SV2C: variants seen among roughly 807,000 people sequenced by gnomAD.
SV2C encodes synaptic vesicle glycoprotein 2C.
Under a neutral mutation model 79.7 loss-of-function variants are expected in SV2C, and 49 were observed. That is an observed-to-expected ratio of 0.61 (90% CI 0.49 to 0.78). The LOEUF (loss-of-function observed/expected upper bound fraction) is 0.78. Ranked by LOEUF, SV2C falls within the 30% of genes least tolerant of loss-of-function variation. The pLI is 0.00. For missense variants in SV2C, 833 were observed against 912.9 expected, an observed-to-expected ratio of 0.91 and a Z score of 1.13; for synonymous variants, 334 against 333.2, an observed-to-expected ratio of 1.00 and a Z score of -0.03.
chr5:75,868,162 T>C, the SV2C span, among the ~76,000 whole-genome samples: 4 of 152,098 alleles, frequency 2.6e-5, no homozygotes, highest in African/African-American at 9.7e-5. Context: ...AATATAAACA[T>C]TTGCAAAGGC....
At chr5:75,951,955 T>C in the SV2C span, among the ~76,000 whole-genome samples, 8 of 151,996 alleles carry the variant, frequency 5.3e-5, no homozygotes, top group Non-Finnish European at 1.2e-4. Context: ...TATAAAGGAC[T>C]GATTGTTGTC....
chr5:75,968,752 C>T, the SV2C span, among the ~76,000 whole-genome samples: 4 of 152,198 alleles, frequency 2.6e-5, no homozygotes, highest in South Asian at 2.1e-4. Flanking sequence ...AAACACTCTG[C>T]AGGATATTAT....
At chr5:76,348,897 G>A (rs1749592588) in intron 12 of SV2C, among the ~76,000 whole-genome samples, 1 of 152,118 alleles carries the variant, frequency 6.6e-6, no homozygotes, top group Non-Finnish European at 1.5e-5. Flanking sequence ...CTACTTGGGA[G>A]GCTGAGGCAG....
the SV2C span, among the ~76,000 whole-genome samples, chr5:75,923,562 C>CA: frequency 1.6e-4 from 24 of 152,100 alleles, no homozygotes; most frequent in African/African-American, 5.8e-4. Flanking sequence ...GAAACTCAAA[C>CA]AAATCAGCAT....
chr5:75,995,770 T>C, the SV2C span, among the ~76,000 whole-genome samples: 1 of 152,108 alleles, frequency 6.6e-6, no homozygotes, highest in African/African-American at 2.4e-5. Context: ...AACTTGACAT[T>C]AGAAGCTCAT....
downstream of SV2C, among the ~76,000 whole-genome samples, chr5:76,338,615 T>C (rs551996807): frequency 1.9e-4 from 29 of 152,000 alleles, no homozygotes; most frequent in Non-Finnish European, 3.8e-4. Context: ...CCTCCCACCT[T>C]CAGTAGAAGA....
the SV2C span, among the ~76,000 whole-genome samples, chr5:75,865,554 A>G: frequency 4.6e-5 from 7 of 152,238 alleles, no homozygotes; most frequent in Admixed American, 1.3e-4. Flanking sequence ...AGCTGTGAAC[A>G]GTACATCTGG....
chr5:76,285,370 A>G, intron 5 of SV2C, 75 bp downstream of exon 5: 1 of 1,572,606 alleles, frequency 6.4e-7, no homozygotes, highest in Non-Finnish European at 8.6e-7. Flanking sequence ...CTAGGAAAGC[A>G]CATTTGCCTA....
At chr5:76,117,084 C>A (rs1273842086) in intron 1 of SV2C, among the ~76,000 whole-genome samples, 27 of 152,140 alleles carry the variant, frequency 1.8e-4, no homozygotes. Context: ...TGTAGTGTAT[C>A]CACTCTGTTC....
intron 2 of SV2C, among the ~76,000 whole-genome samples, chr5:76,165,552 A>C (rs968883506): frequency 1.3e-5 from 2 of 152,076 alleles, no homozygotes; most frequent in African/African-American, 4.8e-5. Flanking sequence ...CTCTATCTCT[A>C]TAATTTTTTC....
chr5:75,889,242 C>T, the SV2C span, among the ~76,000 whole-genome samples: 1 of 151,152 alleles, frequency 6.6e-6, no homozygotes, highest in Non-Finnish European at 1.5e-5. Flanking sequence ...TAATGCTCTC[C>T]CTCCCCCAGC....
At chr5:75,855,866 C>A in the SV2C span, among the ~76,000 whole-genome samples, 2 of 152,128 alleles carry the variant, frequency 1.3e-5, no homozygotes, top group Non-Finnish European at 2.9e-5. Context: ...TATTGTCACT[C>A]TGCTGTGCTA....
chr5:76,268,819 T>C (rs1746749594), intron 4 of SV2C, among the ~76,000 whole-genome samples: 1 of 152,116 alleles, frequency 6.6e-6, no homozygotes, highest in South Asian at 2.1e-4. Context: ...TGCTTCCAGG[T>C]GCATAAAAAG....
the SV2C span, among the ~76,000 whole-genome samples, chr5:76,026,201 A>ACACACACACACAC: frequency 7.1e-6 from 1 of 140,034 alleles, no homozygotes; most frequent in Admixed American, 7.2e-5. Context: ...CAAATTTACA[A>ACACACACACACAC]ACACACACAC....
At chr5:76,294,297 T>TCTC (rs77927501) in intron 8 of SV2C, among the ~76,000 whole-genome samples, 35 of 128,360 alleles carry the variant, frequency 2.7e-4, no homozygotes, top group East Asian at 1.5e-3. Flanking sequence ...TCATTCATTC[T>TCTC]CTCTCTCTTT....
At position 76,333,875 on chromosome 5, in the gene SV2C, C is replaced by T. The variant is rs1749252573; in HGVS notation, c.*8328C>T. ...ATTTATATGCCAGATAACTAACATTCATGTAACAGCTGCAAAGATATTTAG... is the reference window on the plus strand; with the variant it reads ...ATTTATATGCCAGATAACTAACATTTATGTAACAGCTGCAAAGATATTTAG... On this transcript the variant is annotated 3_prime_UTR_variant, in exon 13 of 13. Transcript: ENST00000502798. 6.6e-6 allele frequency: 1 copy of T among 152,070 alleles called. No homozygotes were observed. The highest frequency in any genetic ancestry group is 2.1e-4 in the South Asian group (1 of 4,826). The allele number at this position is 152,070 out of a possible 1,614,324, so 9.4% of individuals were successfully genotyped here.
chr5:76,106,835 T>C (rs1747934146), intron 1 of SV2C, among the ~76,000 whole-genome samples: 1 of 152,206 alleles, frequency 6.6e-6, no homozygotes, highest in Non-Finnish European at 1.5e-5. Context: ...ATATATCATC[T>C]TCGAATAAAC....
intron 4 of SV2C, among the ~76,000 whole-genome samples, chr5:76,231,522 G>C (rs1474439143): frequency 6.6e-6 from 1 of 150,758 alleles, no homozygotes; most frequent in Non-Finnish European, 1.5e-5. Flanking sequence ...GTGCCATGCT[G>C]GTGCGCCGCA....
chr5:76,277,747 A>G (rs1188382818), intron 4 of SV2C, among the ~76,000 whole-genome samples: 1 of 147,514 alleles, frequency 6.8e-6, no homozygotes, highest in Non-Finnish European at 1.5e-5. Flanking sequence ...GACCTAGGAG[A>G]CCTGTCTCAA....
Sources: allele counts gnomAD v4.1 joint callset (sites outside exome capture counted in the v4.1 genomes callset), GRCh38; gene constraint gnomAD v4.1.1; transcripts MANE v1.5; gene names NCBI Gene and HGNC (gene_info 2026-07-23, HGNC 2026-07-21).